GALNT13: variants seen among roughly 807,000 people sequenced by gnomAD.
GALNT13 encodes polypeptide N-acetylgalactosaminyltransferase 13.
Under a neutral mutation model 64.2 loss-of-function variants are expected in GALNT13, and 28 were observed. The ratio of observed to expected loss-of-function variants is 0.44; its 90% CI spans 0.32 to 0.60. GALNT13 has a LOEUF of 0.60. Among genes scored for constraint, GALNT13 ranks in the 20% least tolerant of loss-of-function variants. GALNT13 has a pLI of 0.05. For synonymous variants in GALNT13, 214 were observed against 224.6 expected (o/e 0.95, Z 0.42); for missense variants, 577 against 669.8 (o/e 0.86, Z 1.53).
chr2:154,413,037 A>C (rs890264923), intron 11 of GALNT13, among the ~76,000 whole-genome samples: 2 of 151,922 alleles, frequency 1.3e-5, no homozygotes, highest in African/African-American at 4.8e-5. Flanking sequence ...AGCAGTTGTG[A>C]GAGTGTCTTC....
chr2:153,203,227 A>G, the GALNT13 span, among the ~76,000 whole-genome samples: 1 of 152,230 alleles, frequency 6.6e-6, no homozygotes, highest in East Asian at 1.9e-4. Context: ...CACTCCCTGC[A>G]AAAACAGAGC....
chr2:154,290,980 A>G (rs759360151), intron 8 of GALNT13, among the ~76,000 whole-genome samples: 30 of 151,346 alleles, frequency 2.0e-4, no homozygotes, highest in Non-Finnish European at 3.8e-4. Context: ...GTGAAGCTAC[A>G]GACCTTCTCG....
At position 154,153,150 on chromosome 2, in the gene GALNT13, G is replaced by A. The variant is rs555403224; in HGVS notation, c.311+12645G>A. On this transcript the variant is annotated intron_variant, in intron 4 of 12. Transcript: ENST00000392825. ...CTGTTTGTTAGTTTTCCTTCTAACA[G>A]ATAGGACCCTTAGCTGCAGGTCTGT... 5.3e-5 allele frequency among the ~76,000 whole-genome samples: 8 copies of A among 152,330 alleles called. No homozygotes were observed. The South Asian group carries it at 1.7e-3, about 32-fold the overall frequency.
chr2:154,217,171 A>C (rs1688092889), intron 4 of GALNT13, among the ~76,000 whole-genome samples: 1 of 152,074 alleles, frequency 6.6e-6, no homozygotes, highest in Admixed American at 6.6e-5. Flanking sequence ...GATTTAAAAA[A>C]TATACCCTAT....
the GALNT13 span, among the ~76,000 whole-genome samples, chr2:153,262,666 T>C: frequency 6.6e-6 from 1 of 152,116 alleles, no homozygotes; most frequent in Non-Finnish European, 1.5e-5. Flanking sequence ...TTAATAAACA[T>C]AATTTATCAC....
intron 3 of GALNT13, among the ~76,000 whole-genome samples, chr2:154,077,925 T>C (rs956864209): frequency 6.6e-6 from 1 of 151,490 alleles, no homozygotes; most frequent in Non-Finnish European, 1.5e-5. Context: ...AATAGCAGTC[T>C]GCAAAATTGT....
chr2:154,082,168 C>T (rs1701303830), intron 3 of GALNT13, among the ~76,000 whole-genome samples: 1 of 151,410 alleles, frequency 6.6e-6, no homozygotes. Flanking sequence ...ACAATGTAAC[C>T]TATATGAATT....
At chr2:153,221,871 G>C in the GALNT13 span, among the ~76,000 whole-genome samples, 1 of 152,192 alleles carries the variant, frequency 6.6e-6, no homozygotes, top group Non-Finnish European at 1.5e-5. Flanking sequence ...GGAATGCAGT[G>C]GCACCCTGAA....
the GALNT13 span, among the ~76,000 whole-genome samples, chr2:153,422,572 C>T: frequency 1.3e-5 from 2 of 152,000 alleles, no homozygotes; most frequent in Admixed American, 6.6e-5. Flanking sequence ...AATACAGAAA[C>T]AGTAGAGTAA....
the GALNT13 span, among the ~76,000 whole-genome samples, chr2:153,321,197 A>C: frequency 6.6e-6 from 1 of 152,222 alleles, no homozygotes; most frequent in Admixed American, 6.5e-5. Context: ...CTTTTTAAAA[A>C]ACTATTTGTC....
the GALNT13 span, among the ~76,000 whole-genome samples, chr2:153,095,479 C>G: frequency 1.3e-5 from 2 of 152,306 alleles, no homozygotes; most frequent in African/African-American, 4.8e-5. Flanking sequence ...GACAATGTGG[C>G]AATTCCTCAA....
At chr2:154,438,068 C>A (rs1366154763) in intron 11 of GALNT13, among the ~76,000 whole-genome samples, 3 of 151,874 alleles carry the variant, frequency 2.0e-5, no homozygotes, top group Non-Finnish European at 4.4e-5. Context: ...GTAGAGCCTA[C>A]CTTTAATAAG....
the GALNT13 span, among the ~76,000 whole-genome samples, chr2:153,619,947 T>C: frequency 6.6e-6 from 1 of 152,104 alleles, no homozygotes; most frequent in Non-Finnish European, 1.5e-5. Context: ...TTAAATCTGC[T>C]TGGTGTTCCA....
the GALNT13 span, among the ~76,000 whole-genome samples, chr2:153,631,780 T>A: frequency 1.3e-5 from 2 of 152,222 alleles, no homozygotes; most frequent in African/African-American, 4.8e-5. Flanking sequence ...TGATGGTAGT[T>A]TCTTTTGCTG....
At chr2:154,116,489 G>A (rs750149817) in intron 3 of GALNT13, among the ~76,000 whole-genome samples, 2 of 152,150 alleles carry the variant, frequency 1.3e-5, no homozygotes, top group Non-Finnish European at 2.9e-5. Flanking sequence ...TCTGAAACAG[G>A]GAGTTGCAAT....
At chr2:154,100,262 G>T (rs1337017865) in intron 3 of GALNT13, among the ~76,000 whole-genome samples, 1 of 152,010 alleles carries the variant, frequency 6.6e-6, no homozygotes, top group Non-Finnish European at 1.5e-5. Context: ...TTGGTAATTG[G>T]ATATGAATTT....
the GALNT13 span, among the ~76,000 whole-genome samples, chr2:153,348,268 C>T: frequency 2.6e-5 from 4 of 152,202 alleles, no homozygotes; most frequent in African/African-American, 4.8e-5. Context: ...TGTGGAGTGA[C>T]ATTTTAAAAG....
At chr2:154,105,096 C>T (rs768980147) in intron 3 of GALNT13, among the ~76,000 whole-genome samples, 3 of 152,056 alleles carry the variant, frequency 2.0e-5, no homozygotes, top group African/African-American at 4.8e-5. Flanking sequence ...AGGTTCCTTG[C>T]GGATCAGTCT....
chr2:153,428,334 TGACAA>T, the GALNT13 span, among the ~76,000 whole-genome samples: 1 of 152,054 alleles, frequency 6.6e-6, no homozygotes, highest in Non-Finnish European at 1.5e-5. Flanking sequence ...GTGTGTCACA[TGACAA>T]GAGAGAGCAA....
Sources: allele counts gnomAD v4.1 joint callset (sites outside exome capture counted in the v4.1 genomes callset), GRCh38; gene constraint gnomAD v4.1.1; transcripts MANE v1.5; gene names NCBI Gene and HGNC (gene_info 2026-07-23, HGNC 2026-07-21).